Variants in GRK5 observed in about 807,000 individuals in gnomAD.
The protein encoded by GRK5 is G protein-coupled receptor kinase 5, also known as g protein-coupled receptor kinase GRK5.
GRK5 carries 40 observed loss-of-function variants against 78.4 expected under a neutral mutation model. The ratio of observed to expected loss-of-function variants is 0.51; its 90% CI spans 0.40 to 0.66. The LOEUF is 0.66. Among genes scored for constraint, GRK5 ranks in the 30% least tolerant of loss-of-function variants. The probability of loss-of-function intolerance (pLI) is 0.00; values close to 1 mark genes in which losing one functional copy is unlikely to be tolerated. For missense variants in GRK5, 598 were observed against 759.9 expected (o/e 0.79, Z 2.50); for synonymous variants, 289 against 296.8 (o/e 0.97, Z 0.27).
intron 3 of GRK5, among the ~76,000 whole-genome samples, chr10:119,388,378 C>G (rs1457643943): frequency 1.3e-5 from 2 of 152,150 alleles, no homozygotes. Flanking sequence ...ACTCTTTTGC[C>G]CAGGCTGCAG....
intron 1 of GRK5, among the ~76,000 whole-genome samples, chr10:119,209,539 A>G (rs1848451160): frequency 1.6e-5 from 2 of 128,414 alleles, no homozygotes; most frequent in South Asian, 5.7e-4. Flanking sequence ...TTTAGTGGAC[A>G]GGATCTAGGT....
Position 119,452,105 on chromosome 10 carries a change from G to A in GRK5, c.1405-566G>A, listed in dbSNP as rs866170168. 2.6e-5 allele frequency among the ~76,000 whole-genome samples: 4 copies of A among 152,214 alleles called. No individual in the cohort carries two copies. In the South Asian group the frequency reaches 6.2e-4, roughly 24 times the overall value. On this transcript the variant is annotated intron_variant, in intron 13 of 15. Coordinates refer to ENST00000392870, the MANE Select transcript of GRK5 (RefSeq NM_005308.3). The surrounding 1 kb of genome is among the most constrained non-coding windows in gnomAD (Gnocchi z 4.4). ...GAGGGACGAGTAAGGCAAAAGATATGCCTACCATAATAATACCAGCTCCCA... is the reference window on the plus strand; with the variant it reads ...GAGGGACGAGTAAGGCAAAAGATATACCTACCATAATAATACCAGCTCCCA...
chr10:119,425,217 ATTAAG>A lies in GRK5; in HGVS notation c.533+135_533+139del. 4 of 636,282 alleles carry A rather than the reference ATTAAG, an allele frequency of 6.3e-6. No individual in the cohort carries two copies. In the South Asian group the frequency reaches 6.8e-5, roughly 11 times the overall value. The allele number at this position is 636,282 out of a possible 1,614,324, so 39.4% of individuals were successfully genotyped here. On this transcript the variant is annotated intron_variant, in intron 6 of 15. Transcript: ENST00000392870. ...AAAATTAACCCGACTCCCCCTGTTA[ATTAAG>A]TTGTGTATTCTAGAAATGCTGTATG...
intron 1 of GRK5, among the ~76,000 whole-genome samples, chr10:119,215,955 C>G (rs1848564775): frequency 1.3e-5 from 2 of 152,134 alleles, no homozygotes; most frequent in African/African-American, 4.8e-5. Flanking sequence ...TTTTTCTGAG[C>G]TGGGAAGACA....
rs142100516 is a variant in GRK5 at position 119,241,052 on chromosome 10, G to A, written c.52+33083G>A. ...GGGGCCACTTGTTCTCTCCTTAACC[G>A]TGGACTATTGCAAAGGGTGGAGATC... On this transcript the variant is annotated intron_variant, in intron 1 of 15. Transcript: ENST00000392870. Among the ~76,000 whole-genome samples the A allele has an allele frequency of 5.9e-3, 896 of 152,294 alleles. 7 individuals are homozygous for A. Among genetic ancestry groups the A allele is most frequent in the Non-Finnish European group, 0.01 (685 of 68,016 alleles).
intron 1 of GRK5, among the ~76,000 whole-genome samples, chr10:119,213,937 A>C (rs1017116874): frequency 6.6e-6 from 1 of 151,858 alleles, no homozygotes; most frequent in African/African-American, 2.4e-5. Flanking sequence ...AAAAGATGCA[A>C]TTGGGCACTG....
At chr10:119,290,379 T>C (rs1184600483) in intron 1 of GRK5, among the ~76,000 whole-genome samples, 1 of 145,286 alleles carries the variant, frequency 6.9e-6, no homozygotes, top group Non-Finnish European at 1.5e-5. Context: ...AACAACTCTG[T>C]CCCCTTCTCC....
intron 1 of GRK5, among the ~76,000 whole-genome samples, chr10:119,211,065 C>T (rs1564849464): frequency 7.9e-6 from 1 of 127,090 alleles, no homozygotes; most frequent in East Asian, 2.9e-4. Flanking sequence ...GCTTCATGAA[C>T]ACTTGTGATA....
At chr10:119,283,021 T>G (rs1849788389) in intron 1 of GRK5, among the ~76,000 whole-genome samples, 1 of 152,190 alleles carries the variant, frequency 6.6e-6, no homozygotes, top group Non-Finnish European at 1.5e-5. Context: ...TCAGGGCCTT[T>G]CAGAGCTGAT....
At chr10:119,332,298 G>T (rs796920687) in intron 2 of GRK5, among the ~76,000 whole-genome samples, 28 of 152,114 alleles carry the variant, frequency 1.8e-4, no homozygotes, top group African/African-American at 6.5e-4. Flanking sequence ...GTAGAGACGG[G>T]ATTTTGCCAT....
chr10:119,371,080 C>T (rs1458373431), intron 2 of GRK5, among the ~76,000 whole-genome samples: 1 of 152,100 alleles, frequency 6.6e-6, no homozygotes, highest in Non-Finnish European at 1.5e-5. Flanking sequence ...TCCGTCCTTG[C>T]TCTTACTTCT....
In GRK5 at chr10:119,443,730, A is replaced by T; in HGVS notation, c.1244A>T (p.Glu415Val). 1 of 1,601,872 alleles carries T rather than the reference A, an allele frequency of 6.2e-7. No individual in the cohort carries two copies. Among genetic ancestry groups the T allele is most frequent in the South Asian group, 1.1e-5 (1 of 90,812 alleles). Reference sequence around the variant, plus strand: ...GTGTACTCCCACAAGTTCTCCGAGGAGGCCAAGTCCATCTGCAAGATGGTG... The same window carrying T: ...GTGTACTCCCACAAGTTCTCCGAGGTGGCCAAGTCCATCTGCAAGATGGTG... The part of the protein sequence containing the change: ...EEVYSHKFSE[E>V]AKSICKMLLT... Residue 415 changes from glutamate (E) to valine (V), a missense_variant, in exon 12 of 16, where the codon GAG (glutamate) becomes GTG (valine). Glu to Val is a moderately radical substitution (Grantham distance 121, BLOSUM62 -2). Transcript: ENST00000392870.
intron 2 of GRK5, among the ~76,000 whole-genome samples, chr10:119,338,086 T>C (rs1229197925): frequency 6.6e-6 from 1 of 152,206 alleles, no homozygotes; most frequent in Non-Finnish European, 1.5e-5. Flanking sequence ...GGGGATCCAG[T>C]TGAACCCATA....
At chr10:119,340,212 C>A (rs1016765425) in intron 2 of GRK5, among the ~76,000 whole-genome samples, 1 of 152,160 alleles carries the variant, frequency 6.6e-6, no homozygotes, top group African/African-American at 2.4e-5. Flanking sequence ...CTGCAACCCC[C>A]GCCTCCTGGG....
intron 12 of GRK5, among the ~76,000 whole-genome samples, chr10:119,444,411 C>T (rs1359869807): frequency 1.3e-5 from 2 of 152,252 alleles, no homozygotes; most frequent in South Asian, 2.1e-4. Flanking sequence ...GGAGTCCGCC[C>T]GTGCACCCCT....
chr10:119,319,563 T>C (rs1441014658), intron 1 of GRK5, among the ~76,000 whole-genome samples: 4 of 152,238 alleles, frequency 2.6e-5, no homozygotes, highest in Non-Finnish European at 5.9e-5. Context: ...CTTTGATGCA[T>C]GGAATGAGCT....
chr10:119,386,842 C>T (rs1170439324), intron 3 of GRK5, among the ~76,000 whole-genome samples: 1 of 152,172 alleles, frequency 6.6e-6, no homozygotes, highest in Admixed American at 6.5e-5. Context: ...TGGCGGGGTC[C>T]TTGGTGTTGC....
intron 1 of GRK5, among the ~76,000 whole-genome samples, chr10:119,226,217 A>G (rs576038135): frequency 2.1e-4 from 32 of 150,356 alleles, no homozygotes; most frequent in Non-Finnish European, 2.8e-4. Flanking sequence ...TGACCTTGTG[A>G]TCTGCCCGTC....
Position 119,291,570 on chromosome 10 carries a change from T to TTCCTCCTCCTCCTCTTCC in GRK5, c.53-34919_53-34902dup, listed in dbSNP as rs1589725219. Among the ~76,000 whole-genome samples, 8 of 86,108 alleles carry TTCCTCCTCCTCCTCTTCC rather than the reference T, an allele frequency of 9.3e-5. No homozygotes were observed. In the South Asian group the frequency reaches 1.3e-3, roughly 14 times the overall value. 56.5% of individuals were successfully genotyped at this position (86,108 alleles called of 152,430 possible). The stretch of plus-strand genomic sequence containing the variant: ...CCTCCTCCTCTTCCTCCTCCTCCTC[T>TTCCTCCTCCTCCTCTTCC]TCCTCCTCCTCCTCTTCCTCCTCCT... On this transcript the variant is annotated intron_variant, in intron 1 of 15. Coordinates refer to ENST00000392870, the MANE Select transcript of GRK5 (RefSeq NM_005308.3).
Sources: allele counts gnomAD v4.1 joint callset (sites outside exome capture counted in the v4.1 genomes callset), GRCh38; gene constraint gnomAD v4.1.1; non-coding constraint Gnocchi (gnomAD v3.1); transcripts MANE v1.5; gene names NCBI Gene and HGNC (gene_info 2026-07-23, HGNC 2026-07-21).